The following STPG2 variants were observed in gnomAD, a reference collection of about 807,000 sequenced individuals.
STPG2 encodes sperm tail PG-rich repeat containing 2, also known as sperm-tail PG-rich repeat-containing protein 2.
STPG2 carries 56 observed loss-of-function variants against 54.2 expected under a neutral mutation model. The ratio of observed to expected loss-of-function variants is 1.03; its 90% CI spans 0.83 to 1.29. The LOEUF is 1.29. Ranked by LOEUF, STPG2 falls within the 50% of genes most tolerant of loss-of-function variation. STPG2 has a pLI of 0.00. For synonymous variants in STPG2, 200 were observed against 181.8 expected (o/e 1.10, Z -0.81); for missense variants, 596 against 544.9 (o/e 1.09, Z -0.93).
rs1319410043 is a variant in STPG2 at position 97,669,534 on chromosome 4, C to T, written c.1320+43165G>A. On this transcript the variant is annotated intron_variant, in intron 10 of 10. Coordinates refer to ENST00000295268, the MANE Select transcript of STPG2 (RefSeq NM_174952.3). Reference sequence around the variant, plus strand: ...TATTGCGGCCGGGCGCGGTGGCTCACGCCTGTAATCCCAGCACTTTGGGAG... The same window carrying T: ...TATTGCGGCCGGGCGCGGTGGCTCATGCCTGTAATCCCAGCACTTTGGGAG... 7.6e-5 allele frequency among the ~76,000 whole-genome samples: 2 copies of T among 26,398 alleles called. 1 individual carries two copies. Among genetic ancestry groups the T allele is most frequent in the African/African-American group, 4.6e-4 (2 of 4,306 alleles). The allele number at this position is 26,398 out of a possible 152,430, so 17.3% of individuals were successfully genotyped here.
intron 10 of STPG2, among the ~76,000 whole-genome samples, chr4:97,637,466 C>A (rs1721595902): frequency 6.6e-6 from 1 of 152,084 alleles, no homozygotes; most frequent in Admixed American, 6.6e-5. Flanking sequence ...AACTCCTATT[C>A]AACATAGTGT....
chr4:97,716,677 C>T (rs1460594805), intron 9 of STPG2, among the ~76,000 whole-genome samples: 1 of 144,234 alleles, frequency 6.9e-6, no homozygotes, highest in Non-Finnish European at 1.5e-5. Flanking sequence ...GGGAGGGGAA[C>T]ATCACACACT....
intron 9 of STPG2, among the ~76,000 whole-genome samples, chr4:97,828,938 T>C (rs1054968175): frequency 2.0e-5 from 3 of 152,070 alleles, no homozygotes; most frequent in Non-Finnish European, 4.4e-5. Context: ...GGGGTGGCTA[T>C]GGGCACAGCT....
At chr4:97,959,668 C>T (rs191405052) in intron 7 of STPG2, among the ~76,000 whole-genome samples, 39 of 151,848 alleles carry the variant, frequency 2.6e-4, no homozygotes, top group Non-Finnish European at 4.0e-4. Context: ...AGCAGATACC[C>T]TGAACAAACC....
chr4:98,079,449 C>G (rs1184953570), intron 5 of STPG2, among the ~76,000 whole-genome samples: 3 of 152,152 alleles, frequency 2.0e-5, no homozygotes, highest in Admixed American at 6.5e-5. Context: ...TGGTCACTAC[C>G]TGCCACTTTT....
intron 10 of STPG2, among the ~76,000 whole-genome samples, chr4:97,697,593 T>C (rs1723618881): frequency 6.6e-6 from 1 of 152,128 alleles, no homozygotes; most frequent in African/African-American, 2.4e-5. Flanking sequence ...TTTATTGTCT[T>C]GCAAAAACAA....
At chr4:97,711,900 C>T (rs1258061155) in intron 10 of STPG2, among the ~76,000 whole-genome samples, 1 of 151,902 alleles carries the variant, frequency 6.6e-6, no homozygotes, top group Non-Finnish European at 1.5e-5. Context: ...AAACTCCTGA[C>T]CTCAAGTATC....
chr4:98,118,753 C>A (rs1372649130), intron 3 of STPG2, among the ~76,000 whole-genome samples: 1 of 152,060 alleles, frequency 6.6e-6, no homozygotes, highest in African/African-American at 2.4e-5. Flanking sequence ...CCTGGAATAT[C>A]TTTTTATGCC....
intron 5 of STPG2, among the ~76,000 whole-genome samples, chr4:98,056,932 G>C (rs952039386): frequency 2.4e-5 from 3 of 125,880 alleles, no homozygotes; most frequent in South Asian, 2.6e-4. Context: ...GTTTCCGGAG[G>C]CCCCCCCAAC....
rs561589954 is a variant in STPG2, at chr4:97,868,519, A to T, written c.1045-27587T>A. On this transcript the variant is annotated intron_variant, in intron 8 of 10. Coordinates refer to ENST00000295268, the MANE Select transcript of STPG2 (RefSeq NM_174952.3). ...CTGTGTGAGGCATAGGCCCACGGTT[A>T]TAATTCTCAGGGAAGTTATTTTTTA... Among the ~76,000 whole-genome samples, 4 of 152,034 alleles carry T rather than the reference A, an allele frequency of 2.6e-5. No homozygotes were observed. The South Asian group carries it at 8.3e-4, about 32-fold the overall frequency.
intron 5 of STPG2, among the ~76,000 whole-genome samples, chr4:98,066,362 G>A (rs1737835201): frequency 8.8e-6 from 1 of 113,084 alleles, no homozygotes; most frequent in Non-Finnish European, 2.0e-5. Flanking sequence ...GCTGAGGCGG[G>A]TGGATCACCC....
At chr4:97,694,812 C>CAAAAAAAAAA (rs70953083) in intron 10 of STPG2, among the ~76,000 whole-genome samples, 11 of 44,044 alleles carry the variant, frequency 2.5e-4, no homozygotes, top group Admixed American at 4.4e-4. Context: ...GACTCTGTCA[C>CAAAAAAAAAA]AAAAAAAAAA....
intron 3 of STPG2, among the ~76,000 whole-genome samples, chr4:98,120,599 G>A (rs1009849735): frequency 6.6e-6 from 1 of 152,032 alleles, no homozygotes; most frequent in Non-Finnish European, 1.5e-5. Context: ...TTTAATAATC[G>A]CCATTCTGAC....
chr4:97,845,155 A>C (rs1007554679), intron 8 of STPG2, among the ~76,000 whole-genome samples: 3 of 151,102 alleles, frequency 2.0e-5, no homozygotes, highest in Non-Finnish European at 4.4e-5. Flanking sequence ...ATATCTAATA[A>C]GTTTTTTTTT....
At chr4:97,846,644 A>C (rs1425195954) in intron 8 of STPG2, among the ~76,000 whole-genome samples, 1 of 151,372 alleles carries the variant, frequency 6.6e-6, no homozygotes, top group Non-Finnish European at 1.5e-5. Context: ...AAAAAAAAAA[A>C]AACACAGGAA....
At chr4:97,446,485 T>C (rs1240181397) in intron 4 of STPG2, among the ~76,000 whole-genome samples, 2 of 152,214 alleles carry the variant, frequency 1.3e-5, no homozygotes, top group African/African-American at 4.8e-5. Context: ...TATAAAAATG[T>C]AGTAACCATA....
At chr4:97,969,698 C>A (rs1005862439) in intron 7 of STPG2, among the ~76,000 whole-genome samples, 1 of 152,144 alleles carries the variant, frequency 6.6e-6, no homozygotes, top group African/African-American at 2.4e-5. Context: ...AACCCACAGC[C>A]AGTATCATAC....
At chr4:97,860,266 T>A (rs1307875622) in intron 8 of STPG2, among the ~76,000 whole-genome samples, 1 of 152,082 alleles carries the variant, frequency 6.6e-6, no homozygotes, top group African/African-American at 2.4e-5. Context: ...CTATGAAGAA[T>A]CATGATGGTA....
chr4:97,472,072 A>T (rs1729950331), intron 4 of STPG2, among the ~76,000 whole-genome samples: 1 of 152,160 alleles, frequency 6.6e-6, no homozygotes, highest in Admixed American at 6.5e-5. Context: ...CTCCATCATA[A>T]CAACAACTAG....
Sources: allele counts gnomAD v4.1 joint callset (sites outside exome capture counted in the v4.1 genomes callset), GRCh38; gene constraint gnomAD v4.1.1; transcripts MANE v1.5; gene names NCBI Gene and HGNC (gene_info 2026-07-23, HGNC 2026-07-21).